ST6GALNAC3: variants seen among roughly 807,000 people sequenced by gnomAD.
ST6GALNAC3 encodes alpha-N-acetylgalactosaminide alpha-2,6-sialyltransferase 3.
A neutral mutation model predicts 32.7 loss-of-function variants in ST6GALNAC3; 25 were observed. That is an observed-to-expected ratio of 0.76 (90% confidence interval 0.56 to 1.07). The LOEUF is 1.07. ST6GALNAC3 is among the 50% of genes least tolerant of loss of function. ST6GALNAC3 has a pLI of 0.00. For synonymous variants in ST6GALNAC3, 129 were observed against 133.1 expected (o/e 0.97, Z 0.21); for missense variants, 355 against 382.4 (o/e 0.93, Z 0.60).
intron 3 of ST6GALNAC3, among the ~76,000 whole-genome samples, chr1:76,508,756 A>G (rs1354133290): frequency 6.6e-6 from 1 of 152,012 alleles, no homozygotes; most frequent in Non-Finnish European, 1.5e-5. Flanking sequence ...CATCCTCCCC[A>G]TTTATTCTCT....
intron 1 of ST6GALNAC3, among the ~76,000 whole-genome samples, chr1:76,082,558 A>G (rs76669666): frequency 0.017 from 2,596 of 152,276 alleles, 30 homozygotes; most frequent in Non-Finnish European, 0.028. Flanking sequence ...CGCTTTCTCT[A>G]TTGCTGTTTC....
intron 1 of ST6GALNAC3, among the ~76,000 whole-genome samples, chr1:76,144,710 A>T (rs913393926): frequency 6.6e-6 from 1 of 152,224 alleles, no homozygotes; most frequent in Non-Finnish European, 1.5e-5. Context: ...TGTGAAGCAA[A>T]CTAGTCTATA....
chr1:76,198,548 C>T lies in ST6GALNAC3; in HGVS notation c.19-115257C>T, dbSNP rs570301770. On this transcript the variant is annotated intron_variant, in intron 1 of 4. Transcript: ENST00000328299. ...CTGTAGGAATGGAGACAACTATGTA[C>T]ACTTAAGATATAATTAGGAGATAGA... 3.9e-5 allele frequency among the ~76,000 whole-genome samples: 6 copies of T among 152,266 alleles called. No individual in the cohort carries two copies. The South Asian group carries it at 1.0e-3, about 26-fold the overall frequency.
chr1:76,163,448 G>A (rs572293118), intron 1 of ST6GALNAC3, among the ~76,000 whole-genome samples: 24 of 152,244 alleles, frequency 1.6e-4, no homozygotes, highest in African/African-American at 4.6e-4. Context: ...ACCCAGATTC[G>A]ACAACTTAAC....
intron 3 of ST6GALNAC3, among the ~76,000 whole-genome samples, chr1:76,438,053 A>T (rs1656281932): frequency 6.7e-6 from 1 of 149,744 alleles, no homozygotes; most frequent in Non-Finnish European, 1.5e-5. Flanking sequence ...TGAACACTCC[A>T]GGTATAGAGA....
At chr1:76,461,037 C>A (rs1658243807) in intron 3 of ST6GALNAC3, among the ~76,000 whole-genome samples, 2 of 152,096 alleles carry the variant, frequency 1.3e-5, no homozygotes, top group Admixed American at 6.6e-5. Context: ...TTTGAATGGC[C>A]TATTTATTGA....
At chr1:76,457,180 A>G (rs2101579659) in intron 3 of ST6GALNAC3, among the ~76,000 whole-genome samples, 1 of 152,112 alleles carries the variant, frequency 6.6e-6, no homozygotes, top group South Asian at 2.1e-4. Flanking sequence ...AGAACTACAA[A>G]CCACTGCTCA....
intron 1 of ST6GALNAC3, among the ~76,000 whole-genome samples, chr1:76,311,574 T>G (rs370338862): frequency 3.7e-4 from 56 of 152,258 alleles, no homozygotes; most frequent in African/African-American, 1.3e-3. Context: ...AGTGATGGTT[T>G]CCAGCTTCAT....
intron 1 of ST6GALNAC3, among the ~76,000 whole-genome samples, chr1:76,088,781 A>G (rs1024268367): frequency 6.6e-6 from 1 of 152,272 alleles, no homozygotes; most frequent in Non-Finnish European, 1.5e-5. Flanking sequence ...TGTATCTATC[A>G]TCTAGCACAA....
At chr1:76,313,671 A>G (rs1646811499) in intron 1 of ST6GALNAC3, 134 bp from the exon 2 acceptor site, 1 of 982,236 alleles carries the variant, frequency 1.0e-6, no homozygotes. Flanking sequence ...TTCCATTTCC[A>G]GGTAAAATAT....
chr1:76,329,555 A>C (rs947434556), intron 2 of ST6GALNAC3, among the ~76,000 whole-genome samples: 1 of 152,146 alleles, frequency 6.6e-6, no homozygotes, highest in African/African-American at 2.4e-5. Flanking sequence ...ATGTAGAAAA[A>C]GTCTACCGAT....
intron 2 of ST6GALNAC3, among the ~76,000 whole-genome samples, chr1:76,324,582 C>T (rs1647031685): frequency 6.6e-6 from 1 of 152,132 alleles, no homozygotes; most frequent in African/African-American, 2.4e-5. Context: ...GATGACAACT[C>T]CTCTAAACTG....
chr1:76,255,678 G>A (rs977808038), intron 1 of ST6GALNAC3, among the ~76,000 whole-genome samples: 9 of 152,166 alleles, frequency 5.9e-5, no homozygotes, highest in South Asian at 4.2e-4. Context: ...TGTTGCCTAC[G>A]TAGTTTCTGA....
chr1:76,342,118 G>A (rs754874548), intron 2 of ST6GALNAC3, among the ~76,000 whole-genome samples: 4 of 152,030 alleles, frequency 2.6e-5, no homozygotes, highest in Admixed American at 6.6e-5. Context: ...ATTGATGAGC[G>A]TTTGGGTTGG....
chr1:76,335,021 G>T (rs1223122027), intron 2 of ST6GALNAC3, among the ~76,000 whole-genome samples: 1 of 152,138 alleles, frequency 6.6e-6, no homozygotes, highest in East Asian at 1.9e-4. Flanking sequence ...AGATAAATAT[G>T]AGCTGTATAT....
chr1:76,255,724 T>C (rs2100711612), intron 1 of ST6GALNAC3, among the ~76,000 whole-genome samples: 1 of 152,288 alleles, frequency 6.6e-6, no homozygotes, highest in Non-Finnish European at 1.5e-5. Context: ...TTTAAAAACT[T>C]GTTCCTGTTA....
rs752815912 is a variant in ST6GALNAC3, at chr1:76,412,346, A to G, written c.552A>G (p.Gln184=). ...CAGTTGGTATCTATCCGAATGCCCA[A>G]ATATACGTGACCACAGAGAAGCGCA... The part of the protein sequence containing the change: ...KKTVGIYPNA[Q]IYVTTEKRMS... The change falls in exon 3 of 5, where the codon CAA becomes CAG. Residue 184 remains glutamine (Q), a synonymous_variant. Transcript: ENST00000328299. 6 of 1,613,328 alleles carry G rather than the reference A, an allele frequency of 3.7e-6. No homozygotes were observed. The East Asian group carries it at 1.3e-4, about 36-fold the overall frequency.
chr1:76,409,627 A>G (rs1035624049), intron 2 of ST6GALNAC3, among the ~76,000 whole-genome samples: 2 of 152,136 alleles, frequency 1.3e-5, no homozygotes, highest in East Asian at 1.9e-4. Flanking sequence ...GTGCAGGCAT[A>G]AAACTATCTC....
At chr1:76,194,095 AC>A (rs1264755756) in intron 1 of ST6GALNAC3, among the ~76,000 whole-genome samples, 2 of 152,210 alleles carry the variant, frequency 1.3e-5, no homozygotes, top group Non-Finnish European at 2.9e-5. Flanking sequence ...TCTCTGTTAT[AC>A]AGATGAGACC....
Sources: allele counts gnomAD v4.1 joint callset (sites outside exome capture counted in the v4.1 genomes callset), GRCh38; gene constraint gnomAD v4.1.1; transcripts MANE v1.5; gene names NCBI Gene and HGNC (gene_info 2026-07-23, HGNC 2026-07-21).